The following PDZRN4 variants were observed in gnomAD, a reference collection of about 807,000 sequenced individuals.
PDZRN4 encodes the protein PDZ domain-containing RING finger protein 4.
In PDZRN4, 70 loss-of-function variants were observed where a neutral mutation model predicts 99.0. That is an observed-to-expected ratio of 0.71 (90% CI 0.58 to 0.86). The LOEUF is 0.86. Ranked by LOEUF, PDZRN4 falls within the 40% of genes least tolerant of loss-of-function variation. The pLI, the probability that PDZRN4 is intolerant of heterozygous loss-of-function variation, is 0.00. For missense variants in PDZRN4, 1,474 were observed against 1,331.2 expected, an observed-to-expected ratio of 1.11 and a Z score of -1.67; for synonymous variants, 551 against 501.6, an observed-to-expected ratio of 1.10 and a Z score of -1.32.
intron 3 of PDZRN4, among the ~76,000 whole-genome samples, chr12:41,403,840 CA>C (rs1156911763): frequency 1.3e-5 from 2 of 151,858 alleles, no homozygotes; most frequent in East Asian, 1.9e-4. Context: ...CTAAAAATCA[CA>C]AAAAAATGCA....
intron 3 of PDZRN4, among the ~76,000 whole-genome samples, chr12:41,332,011 C>T (rs1021728353): frequency 2.6e-5 from 4 of 151,938 alleles, no homozygotes; most frequent in Non-Finnish European, 5.9e-5. Flanking sequence ...TGGTAGGAAA[C>T]GAGAGAGGAT....
At chr12:41,263,485 A>G (rs1951256974) in intron 3 of PDZRN4, among the ~76,000 whole-genome samples, 1 of 152,158 alleles carries the variant, frequency 6.6e-6, no homozygotes, top group African/African-American at 2.4e-5. Context: ...TCAGCAGTTC[A>G]GGAACAGCCT....
intron 3 of PDZRN4, among the ~76,000 whole-genome samples, chr12:41,236,040 T>G (rs1348554110): frequency 3.9e-5 from 6 of 152,136 alleles, no homozygotes; most frequent in Non-Finnish European, 8.8e-5. Flanking sequence ...TTGAAATATT[T>G]TTTACAGTCT....
chr12:41,349,622 A>C (rs530761568), intron 3 of PDZRN4, among the ~76,000 whole-genome samples: 1 of 152,156 alleles, frequency 6.6e-6, no homozygotes, highest in Admixed American at 6.5e-5. Context: ...TTCCTTAAAA[A>C]CATTAATTAA....
intron 3 of PDZRN4, among the ~76,000 whole-genome samples, chr12:41,385,499 G>A (rs1592038005): frequency 6.6e-6 from 1 of 152,026 alleles, no homozygotes; most frequent in African/African-American, 2.4e-5. Flanking sequence ...ATTACCACTG[G>A]CCCCACAGAA....
chr12:41,362,575 T>C (rs10506190), intron 3 of PDZRN4, among the ~76,000 whole-genome samples: 8,055 of 152,160 alleles, frequency 0.053, 319 homozygotes, highest in Non-Finnish European at 0.075. Context: ...CTAATGATCC[T>C]GCAAGTTTAG....
chr12:41,513,243 T>G (rs960994528), intron 5 of PDZRN4, among the ~76,000 whole-genome samples: 1 of 152,088 alleles, frequency 6.6e-6, no homozygotes, highest in East Asian at 1.9e-4. Context: ...AAATGCTTCT[T>G]TGGAGATATT....
At chr12:41,500,890 TAAAATGTTACTAGATTGTGCTTTG>T (rs1404633995) in intron 3 of PDZRN4, among the ~76,000 whole-genome samples, 2 of 152,254 alleles carry the variant, frequency 1.3e-5, no homozygotes, top group South Asian at 2.1e-4. Context: ...CTTCCTTCTG[TAAAATGTTACTAGATTGTGCTTTG>T]GCAACACCTC....
intron 3 of PDZRN4, among the ~76,000 whole-genome samples, chr12:41,208,595 A>G (rs1360090336): frequency 6.6e-6 from 1 of 151,984 alleles, no homozygotes; most frequent in African/African-American, 2.4e-5. Flanking sequence ...TACTATATCC[A>G]GATTAATTCC....
rs11180841 is a variant in PDZRN4 at position 41,346,094 on chromosome 12, C to T, written c.843+151906C>T. Among the ~76,000 whole-genome samples the T allele has an allele frequency of 3.8e-3, 581 of 152,236 alleles. 19 individuals carry two copies. The East Asian group carries it at 0.091, about 24-fold the overall frequency. ...TGAAAGTGAACACGAGATTAAGCCC[C>T]TTGTCCAATGTTTCCTAGTTTATAA... On this transcript the variant is annotated intron_variant, in intron 3 of 9. Transcript: ENST00000402685.
At chr12:41,197,920 G>GTTTTTTTTTTTTTTTTTTTTT (rs533696414) in intron 3 of PDZRN4, among the ~76,000 whole-genome samples, 1,594 of 115,104 alleles carry the variant, frequency 0.014, 8 homozygotes, top group Non-Finnish European at 0.018. Context: ...TTTTTTCTGG[G>GTTTTTTTTTTTTTTTTTTTTT]TTTTTTTTTT....
At chr12:41,473,852 T>C (rs186188100) in intron 3 of PDZRN4, among the ~76,000 whole-genome samples, 1 of 152,354 alleles carries the variant, frequency 6.6e-6, no homozygotes, top group East Asian at 1.9e-4. Context: ...ATAAAGTCTT[T>C]GAAAGCAACC....
chr12:41,569,382 A>G (rs1735208786), intron 9 of PDZRN4, among the ~76,000 whole-genome samples: 1 of 151,932 alleles, frequency 6.6e-6, no homozygotes, highest in Non-Finnish European at 1.5e-5. Flanking sequence ...AGCTTCTTAA[A>G]GTGCTGGGAT....
At chr12:41,415,759 A>G (rs1278360717) in intron 3 of PDZRN4, among the ~76,000 whole-genome samples, 1 of 151,676 alleles carries the variant, frequency 6.6e-6, no homozygotes, top group African/African-American at 2.4e-5. Flanking sequence ...GAGTTACAGT[A>G]TGTCTTTCAG....
chr12:41,413,863 A>G (rs1301195682), intron 3 of PDZRN4, among the ~76,000 whole-genome samples: 1 of 152,016 alleles, frequency 6.6e-6, no homozygotes, highest in African/African-American at 2.4e-5. Context: ...TGAAGTTGTT[A>G]GTTGGTTGTT....
intron 3 of PDZRN4, among the ~76,000 whole-genome samples, chr12:41,321,752 C>T (rs979667861): frequency 6.6e-6 from 1 of 152,038 alleles, no homozygotes; most frequent in Non-Finnish European, 1.5e-5. Flanking sequence ...CATAATAAGA[C>T]GATGATCGCC....
intron 5 of PDZRN4, among the ~76,000 whole-genome samples, chr12:41,542,558 C>G (rs1262972588): frequency 1.3e-5 from 2 of 152,166 alleles, no homozygotes; most frequent in South Asian, 2.1e-4. Flanking sequence ...TCTGCCACCC[C>G]CAACACACAC....
intron 3 of PDZRN4, among the ~76,000 whole-genome samples, chr12:41,233,453 A>T (rs1028883776): frequency 2.0e-5 from 3 of 152,192 alleles, no homozygotes; most frequent in Non-Finnish European, 2.9e-5. Context: ...TACCCAAAGG[A>T]TTATAAATCA....
intron 3 of PDZRN4, among the ~76,000 whole-genome samples, chr12:41,434,391 TGA>T (rs1467764704): frequency 6.6e-6 from 1 of 152,192 alleles, no homozygotes; most frequent in African/African-American, 2.4e-5. Flanking sequence ...CGTGTGTGTG[TGA>T]GTGTGTCATG....
Sources: gnomAD v4.1 joint callset for allele counts (sites outside exome capture counted in the v4.1 genomes callset) on GRCh38, gnomAD v4.1.1 for gene constraint, MANE v1.5 for transcripts, NCBI Gene and HGNC (gene_info 2026-07-23, HGNC 2026-07-21) for gene names.